LUC7L3: variants seen among roughly 807,000 people sequenced by gnomAD.
LUC7L3 encodes LUC7 like 3 pre-mRNA splicing factor.
LUC7L3 carries 6 observed loss-of-function variants against 66.8 expected under a neutral mutation model. The observed-to-expected ratio is 0.09, with a 90% confidence interval of 0.05 to 0.18. The LOEUF is 0.18. Among genes scored for constraint, LUC7L3 ranks in the 10% least tolerant of loss-of-function variants. LUC7L3 has a pLI of 1.00. For missense variants in LUC7L3, 341 were observed against 531.1 expected (o/e 0.64, Z 3.52); for synonymous variants, 160 against 174.7 (o/e 0.92, Z 0.66).
intron 5 of LUC7L3, among the ~76,000 whole-genome samples, chr17:50,743,505 C>A (rs1386671942): frequency 6.6e-6 from 1 of 151,838 alleles, no homozygotes; most frequent in Non-Finnish European, 1.5e-5. Flanking sequence ...CGCGTCTGGC[C>A]GAAAGTGCAT....
chr17:50,724,817 A>G (rs1295793914), intron 1 of LUC7L3, among the ~76,000 whole-genome samples: 3 of 136,960 alleles, frequency 2.2e-5, no homozygotes, highest in Non-Finnish European at 4.5e-5. Flanking sequence ...GTTGGAGTGC[A>G]GTGGTGTGAT....
intron 1 of LUC7L3, among the ~76,000 whole-genome samples, chr17:50,734,844 T>TTAGAAAGAATCTCTCCAAAACCC (rs1221894620): frequency 1.3e-5 from 2 of 152,142 alleles, no homozygotes; most frequent in East Asian, 3.8e-4. Flanking sequence ...AAATGAGTCT[T>TTAGAAAGAATCTCTCCAAAACCC]TAGAAAGAAT....
At position 50,745,778 on chromosome 17, in the gene LUC7L3, A is replaced by G. The variant is rs779833475; in HGVS notation, c.752A>G (p.Lys251Arg). 1 of 1,599,536 alleles carries G rather than the reference A, an allele frequency of 6.3e-7. No individual in the cohort carries two copies. Among genetic ancestry groups the G allele is most frequent in the South Asian group, 1.1e-5 (1 of 87,008 alleles). The change falls in exon 8 of 10, where the codon AAG (lysine) becomes AGG (arginine). Residue 251 changes from lysine to arginine, a missense_variant. This residue lies in a region of LUC7L3 where 210 missense variants were observed against 238.1 expected (regional missense o/e 0.88). Coordinates refer to ENST00000505658, the MANE Select transcript of LUC7L3 (RefSeq NM_016424.5). ...CGTGATGAGCGTCTAAAAAAGGAGAAGCAAGAAAGAGAAGAAAGAGAAAAA... is the reference window on the plus strand; with the variant it reads ...CGTGATGAGCGTCTAAAAAAGGAGAGGCAAGAAAGAGAAGAAAGAGAAAAA... ...PDRDERLKKE[K>R]QEREEREKER...
chr17:50,728,067 G>T (rs1020337780), intron 1 of LUC7L3, among the ~76,000 whole-genome samples: 1 of 150,880 alleles, frequency 6.6e-6, no homozygotes, highest in African/African-American at 2.4e-5. Flanking sequence ...GCAGTGAGCC[G>T]AGATCGCGCC....
At position 50,751,576 on chromosome 17, in the gene LUC7L3, A is replaced by C. The variant is rs1567881837; in HGVS notation, c.*915A>C. ...GGGCTGCAGTGGTGGCCAGAATTAG[A>C]TATCTTTAAAGAATTTTAAATACAA... On this transcript the variant is annotated 3_prime_UTR_variant, in exon 10 of 10. Transcript: ENST00000505658. The C allele has an allele frequency of 2.0e-5, 23 of 1,152,314 alleles. No homozygotes were observed. Among genetic ancestry groups the C allele is most frequent in the Non-Finnish European group, 2.5e-5 (23 of 922,922 alleles). 71.4% of individuals were successfully genotyped at this position (1,152,314 alleles called of 1,614,324 possible). A position where few individuals can be genotyped will look rare whatever the true frequency, so the allele number is the denominator to read the frequency against.
chr17:50,746,438 A>T, intron 8 of LUC7L3, 104 bp from the exon 9 acceptor site: 1 of 972,828 alleles, frequency 1.0e-6, no homozygotes, highest in Non-Finnish European at 1.5e-6. Flanking sequence ...AATATGTTTT[A>T]GAGGGTAAGT....
In LUC7L3 at chr17:50,719,849, T is replaced by TG. The variant is rs11398903; in HGVS notation, c.99+20dup. ...ACGAGAGCGTAAGTCCCGCGGGCCTTGGCCTGAGCCCGGGCTCCGTGGGGG... is the reference window on the plus strand; with the variant it reads ...ACGAGAGCGTAAGTCCCGCGGGCCTTGGGCCTGAGCCCGGGCTCCGTGGGGG... On this transcript the variant is annotated intron_variant, in intron 1 of 9. Transcript: ENST00000505658. The TG allele has an allele frequency of 1, 1,600,108 of 1,600,142 alleles. 800,037 individuals carry two copies. Among genetic ancestry groups the TG allele is most frequent in the Admixed American group, 1 (58,396 of 58,396 alleles).
intron 5 of LUC7L3, 108 bp downstream of exon 5, chr17:50,741,839 C>T: frequency 1.3e-6 from 1 of 779,684 alleles, no homozygotes; most frequent in Non-Finnish European, 2.1e-6. Context: ...AATCCCAGCA[C>T]TTTGGGAGGC....
intron 2 of LUC7L3, among the ~76,000 whole-genome samples, chr17:50,738,971 A>T (rs895388885): frequency 6.6e-6 from 1 of 152,284 alleles, no homozygotes; most frequent in Non-Finnish European, 1.5e-5. Context: ...CAACGGGGGA[A>T]GTTGAAGACA....
In LUC7L3 at chr17:50,739,874, T is replaced by G. The variant is rs1036053565; in HGVS notation, c.167-432T>G. 3.9e-5 allele frequency among the ~76,000 whole-genome samples: 6 copies of G among 152,292 alleles called. No homozygotes were observed. In the East Asian group the frequency reaches 1.2e-3, roughly 29 times the overall value. On this transcript the variant is annotated intron_variant, in intron 2 of 9. Coordinates refer to ENST00000505658, the MANE Select transcript of LUC7L3 (RefSeq NM_016424.5). ...AGAAATAGAGAAGAGTTAAGATAATTGCTTTTTAGAGGTGGGAAGAAGTAG... is the reference window on the plus strand; with the variant it reads ...AGAAATAGAGAAGAGTTAAGATAATGGCTTTTTAGAGGTGGGAAGAAGTAG...
intron 8 of LUC7L3, 29 bp downstream of exon 8, chr17:50,746,032 A>G (rs776151888): frequency 1.9e-6 from 3 of 1,560,556 alleles, no homozygotes; most frequent in East Asian, 4.5e-5. Flanking sequence ...AAGACTGTCC[A>G]GCTCATAATG....
chr17:50,747,261 A>G (rs1313638989), intron 9 of LUC7L3, among the ~76,000 whole-genome samples: 1 of 122,856 alleles, frequency 8.1e-6, no homozygotes, highest in Non-Finnish European at 1.6e-5. Flanking sequence ...GTGGCATCCC[A>G]GTAGCTGATT....
At chr17:50,745,571 T>G in intron 7 of LUC7L3, 149 bp from the exon 8 acceptor site, 2 of 588,712 alleles carry the variant, frequency 3.4e-6, no homozygotes, top group Non-Finnish European at 3.0e-6. Flanking sequence ...AATGATACCT[T>G]GTGTATATAC....
chr17:50,729,670 A>C lies in LUC7L3; in HGVS notation c.100-7290A>C, dbSNP rs544438183. ...GAAGGAAACCAGAGTACTGGGAGAAAACCCATACAGACATGGGGAGAACTT... is the reference window on the plus strand; with the variant it reads ...GAAGGAAACCAGAGTACTGGGAGAACACCCATACAGACATGGGGAGAACTT... On this transcript the variant is annotated intron_variant, in intron 1 of 9. Coordinates refer to ENST00000505658, the MANE Select transcript of LUC7L3 (RefSeq NM_016424.5). Among the ~76,000 whole-genome samples, 8 of 151,930 alleles carry C rather than the reference A, an allele frequency of 5.3e-5. No homozygotes were observed. In the South Asian group the frequency reaches 1.7e-3, roughly 32 times the overall value.
In LUC7L3 at chr17:50,752,815, A is replaced by G. The variant is rs1971035599; in HGVS notation, c.*2154A>G. The G allele has an allele frequency of 1.3e-5, 2 of 152,202 alleles. No individual in the cohort carries two copies. The highest frequency in any genetic ancestry group is 4.8e-5 in the African/African-American group (2 of 41,460). 9.4% of individuals were successfully genotyped at this position (152,202 alleles called of 1,614,324 possible). A position where few individuals can be genotyped will look rare whatever the true frequency, so the allele number is the denominator to read the frequency against. Reference sequence around the variant, plus strand: ...TAAGACTAATTTTTATAGACTTTCTAATGTTTTAAATAATGGTGCTTCAAT... The same window carrying G: ...TAAGACTAATTTTTATAGACTTTCTGATGTTTTAAATAATGGTGCTTCAAT... On this transcript the variant is annotated 3_prime_UTR_variant, in exon 10 of 10. Coordinates refer to ENST00000505658, the MANE Select transcript of LUC7L3 (RefSeq NM_016424.5).
Position 50,756,213 on chromosome 17 carries a change from GAAAA to G in LUC7L3, c.*5555_*5558del, listed in dbSNP as rs71149308. On this transcript the variant is annotated 3_prime_UTR_variant, in exon 10 of 10. Transcript: ENST00000505658. ...TAATAAAATTTAAAAAGAAGAATGG[GAAAA>G]AAGTCTTGGTGTAGGTAGTTACTAA... 16 of 152,098 alleles carry G rather than the reference GAAAA, an allele frequency of 1.1e-4. No homozygotes were observed. Among genetic ancestry groups the G allele is most frequent in the African/African-American group, 3.9e-4 (16 of 41,460 alleles). 9.4% of individuals were successfully genotyped at this position (152,098 alleles called of 1,614,324 possible).
Position 50,745,793 on chromosome 17 carries a change from A to G in LUC7L3, c.767A>G (p.Glu256Gly). 1.3e-6 allele frequency: 2 copies of G among 1,597,342 alleles called. No homozygotes were observed. The highest frequency in any genetic ancestry group is 1.7e-6 in the Non-Finnish European group (2 of 1,169,962). The change falls in exon 8 of 10, where the codon GAA becomes GGA. Residue 256 changes from glutamate (E) to glycine (G), a missense_variant. Transcript: ENST00000505658. ...RLKKEKQEREEREKERERERE... is the reference protein window; with the variant it reads ...RLKKEKQEREGREKERERERE... ...AAAAAGGAGAAGCAAGAAAGAGAAG[A>G]AAGAGAAAAAGAACGGGAGAGAGAA... is the stretch of plus-strand genomic sequence containing the variant.
intron 9 of LUC7L3, chr17:50,749,300 C>T (rs1970863871): frequency 1.6e-6 from 2 of 1,289,240 alleles, no homozygotes; most frequent in South Asian, 1.2e-5. Flanking sequence ...GCTACCTGTG[C>T]ACCGGAGAAG....
At chr17:50,729,624 C>G (rs961723389) in intron 1 of LUC7L3, among the ~76,000 whole-genome samples, 1 of 151,900 alleles carries the variant, frequency 6.6e-6, no homozygotes, top group African/African-American at 2.4e-5. Context: ...GTTCACCTAC[C>G]GTGCACAGCT....
Sources: gnomAD v4.1 joint callset for allele counts (sites outside exome capture counted in the v4.1 genomes callset) on GRCh38, gnomAD v4.1.1 for gene constraint, gnomAD v4.1.1 regional missense constraint, MANE v1.5 for transcripts, NCBI Gene and HGNC (gene_info 2026-07-23, HGNC 2026-07-21) for gene names.